Variants in AFAP1 observed in about 807,000 individuals in gnomAD.
AFAP1 encodes actin filament-associated protein 1.
Under a neutral mutation model 93.9 loss-of-function variants are expected in AFAP1, and 75 were observed. The ratio of observed to expected loss-of-function variants is 0.80; its 90% CI spans 0.66 to 0.97. AFAP1 has a LOEUF of 0.97. Ranked by LOEUF, AFAP1 falls within the 50% of genes least tolerant of loss-of-function variation. AFAP1 has a pLI of 0.00. For synonymous variants in AFAP1, 517 were observed against 430.7 expected, an observed-to-expected ratio of 1.20 and a Z score of -2.48; for missense variants, 1,201 against 1,050.8, an observed-to-expected ratio of 1.14 and a Z score of -1.98.
chr4:7,767,935 G>T (rs576410801), intron 17 of AFAP1, among the ~76,000 whole-genome samples: 1 of 152,178 alleles, frequency 6.6e-6, no homozygotes, highest in Non-Finnish European at 1.5e-5. Flanking sequence ...AGTTAGCTGG[G>T]CATAATGGTG....
chr4:7,808,568 T>A (rs937759465), intron 9 of AFAP1, among the ~76,000 whole-genome samples: 1 of 152,076 alleles, frequency 6.6e-6, no homozygotes, highest in Non-Finnish European at 1.5e-5. Context: ...ACCGGGGAGA[T>A]GGTCTGTGTG....
chr4:7,934,921 T>C lies in AFAP1; in HGVS notation c.-3+4735A>G, dbSNP rs79660897. Among the ~76,000 whole-genome samples the C allele has an allele frequency of 5.3e-4, 80 of 152,324 alleles. No homozygotes were observed. In the East Asian group the frequency reaches 0.014, roughly 26 times the overall value. ...ACGGGAATGTAAATAATTGAAGAGATTGTTAAAGACTAAATCATGCACATT... is the reference window on the plus strand; with the variant it reads ...ACGGGAATGTAAATAATTGAAGAGACTGTTAAAGACTAAATCATGCACATT... On this transcript the variant is annotated intron_variant, in intron 1 of 17. Coordinates refer to ENST00000420658, the MANE Select transcript of AFAP1 (RefSeq NM_001134647.2).
At chr4:7,793,005 T>C (rs1718020221) in intron 11 of AFAP1, among the ~76,000 whole-genome samples, 1 of 152,218 alleles carries the variant, frequency 6.6e-6, no homozygotes, top group African/African-American at 2.4e-5. Context: ...TAGTATATTA[T>C]GAAAATAATT....
chr4:7,888,743 C>A (rs1431110857), intron 1 of AFAP1, among the ~76,000 whole-genome samples: 1 of 152,170 alleles, frequency 6.6e-6, no homozygotes. Flanking sequence ...CAAAAACAGA[C>A]TAACACACCT....
At position 7,842,940 on chromosome 4, in the gene AFAP1, G is replaced by C. The variant is rs1167030421; in HGVS notation, c.546+199C>G. The C allele has an allele frequency of 5.1e-6, 3 of 584,154 alleles. No individual in the cohort carries two copies. In the East Asian group the frequency reaches 8.6e-5, roughly 17 times the overall value. The allele number at this position is 584,154 out of a possible 1,614,324, so 36.2% of individuals were successfully genotyped here. A position where few individuals can be genotyped will look rare whatever the true frequency, so the allele number is the denominator to read the frequency against. On this transcript the variant is annotated intron_variant, in intron 5 of 17. Coordinates refer to ENST00000420658, the MANE Select transcript of AFAP1 (RefSeq NM_001134647.2). ...TTGGAGCTGGGAAACCGGCAACCTTGAACACACAACACGGGCGAGTGCTCC... is the reference window on the plus strand; with the variant it reads ...TTGGAGCTGGGAAACCGGCAACCTTCAACACACAACACGGGCGAGTGCTCC...
chr4:7,761,191 T>G lies in AFAP1; in HGVS notation c.*2574A>C, dbSNP rs1032034544. ...TGAACATATACACATAAATAACTTA[T>G]TCTGAAGTAAATGCTTTAAACTTTG... On this transcript the variant is annotated 3_prime_UTR_variant, in exon 18 of 18. Transcript: ENST00000420658. 1 of 152,268 alleles carries G rather than the reference T, an allele frequency of 6.6e-6. No individual in the cohort carries two copies. The highest frequency in any genetic ancestry group is 2.4e-5 in the African/African-American group (1 of 41,466). The allele number at this position is 152,268 out of a possible 1,614,324, so 9.4% of individuals were successfully genotyped here.
chr4:7,874,530 ATTTTTTTTTTTTTTTTT>A (rs71175435), intron 1 of AFAP1, among the ~76,000 whole-genome samples: 15 of 51,510 alleles, frequency 2.9e-4, no homozygotes, highest in East Asian at 1.1e-3. Flanking sequence ...TGCCCAGCTA[ATTTTTTTTTTTTTTTTT>A]TTTTTTTTTT....
intron 17 of AFAP1, among the ~76,000 whole-genome samples, chr4:7,766,629 A>G (rs1339163171): frequency 6.8e-6 from 1 of 147,356 alleles, no homozygotes; most frequent in Admixed American, 6.7e-5. Context: ...TGACTGTGTC[A>G]CGAGAGGGTA....
At chr4:7,864,928 T>G (rs763851141) in intron 3 of AFAP1, among the ~76,000 whole-genome samples, 12 of 152,034 alleles carry the variant, frequency 7.9e-5, no homozygotes, top group Non-Finnish European at 1.6e-4. Flanking sequence ...CAGTGAGCTA[T>G]GATCGTGCCA....
At chr4:7,889,312 G>T (rs1053041602) in intron 1 of AFAP1, among the ~76,000 whole-genome samples, 1 of 151,798 alleles carries the variant, frequency 6.6e-6, no homozygotes, top group Non-Finnish European at 1.5e-5. Flanking sequence ...ACTTTGGGAG[G>T]CCAAGGGGGA....
At chr4:7,809,438 AT>A in intron 9 of AFAP1, 175 bp downstream of exon 9, 1 of 704,260 alleles carries the variant, frequency 1.4e-6, no homozygotes, top group Non-Finnish European at 2.1e-6. Flanking sequence ...TCTTGTATGA[AT>A]AAGAGGCAAA....
At chr4:7,772,438 TC>T in intron 16 of AFAP1, 1 of 172,856 alleles carries the variant, frequency 5.8e-6, no homozygotes, top group Non-Finnish European at 1.2e-5. Context: ...CATTTCAGTT[TC>T]CCCAGCACCT....
Position 7,773,039 on chromosome 4 carries a change from C to T in AFAP1, c.2063-29G>A, listed in dbSNP as rs761029885. ...GAATTCCCAGAAACGCCGTTACTCC[C>T]GCGGCAGGCACAGGTTCTCCAAACA... On this transcript the variant is annotated intron_variant, in intron 15 of 17. Coordinates refer to ENST00000420658, the MANE Select transcript of AFAP1 (RefSeq NM_001134647.2). 10 of 1,595,304 alleles carry T rather than the reference C, an allele frequency of 6.3e-6. No homozygotes were observed. The Admixed American group carries it at 6.8e-5, about 11-fold the overall frequency.
chr4:7,913,456 T>C (rs2149228352), intron 1 of AFAP1, among the ~76,000 whole-genome samples: 1 of 152,108 alleles, frequency 6.6e-6, no homozygotes, highest in East Asian at 1.9e-4. Flanking sequence ...TTTGTGAAAC[T>C]TTAATTACAA....
rs1486655905 is a variant in AFAP1 at position 7,843,319 on chromosome 4, A to G, written c.366T>C (p.Tyr122=). Residue 122 remains tyrosine (Y), a synonymous_variant, in exon 5 of 18, where the codon TAT becomes TAC. Transcript: ENST00000420658. ...NYDSDAMSSS[Y]ESYDEEEEDG... ...CCTCCTCCTCTTCATCATACGACTCATAAGAGCTGCTCATCGCATCGGAAT... is the reference window on the plus strand; with the variant it reads ...CCTCCTCCTCTTCATCATACGACTCGTAAGAGCTGCTCATCGCATCGGAAT... 5.6e-6 allele frequency: 9 copies of G among 1,613,690 alleles called. No individual in the cohort carries two copies. Among genetic ancestry groups the G allele is most frequent in the Middle Eastern group, 1.6e-4 (1 of 6,062 alleles).
chr4:7,838,607 GCTT>G lies in AFAP1; in HGVS notation c.640_642del (p.Lys214del), dbSNP rs751679091. The G allele has an allele frequency of 3.0e-5, 48 of 1,614,168 alleles. No homozygotes were observed. The highest frequency in any genetic ancestry group is 6.6e-5 in the South Asian group (6 of 91,076). ...CCCTGCTGAGTAATCTTCAGCTCGT[GCTT>G]CTTCTTTTTGCTGTCTTTCGGGATG... On this transcript the variant is annotated inframe_deletion, in exon 6 of 18. Transcript: ENST00000420658.
At chr4:7,833,732 G>A (rs776900443) in intron 6 of AFAP1, among the ~76,000 whole-genome samples, 1 of 151,816 alleles carries the variant, frequency 6.6e-6, no homozygotes, top group African/African-American at 2.4e-5. Flanking sequence ...GGGACTACAG[G>A]CACGTGCCAC....
chr4:7,925,922 T>A (rs997764781), intron 1 of AFAP1, among the ~76,000 whole-genome samples: 3 of 152,198 alleles, frequency 2.0e-5, no homozygotes, highest in Non-Finnish European at 2.9e-5. Flanking sequence ...AGCCTCTATC[T>A]TCATCTTTAA....
At chr4:7,814,819 T>C (rs2149061893) in intron 8 of AFAP1, among the ~76,000 whole-genome samples, 1 of 151,962 alleles carries the variant, frequency 6.6e-6, no homozygotes, top group East Asian at 2.0e-4. Flanking sequence ...CGTGTCTTGA[T>C]TGTGGTGATG....
Sources: gnomAD v4.1 joint callset for allele counts (sites outside exome capture counted in the v4.1 genomes callset) on GRCh38, gnomAD v4.1.1 for gene constraint, MANE v1.5 for transcripts, NCBI Gene and HGNC (gene_info 2026-07-23, HGNC 2026-07-21) for gene names.